The following LRP6 variants were observed in gnomAD, a reference collection of about 807,000 sequenced individuals.
LRP6 encodes LDL receptor related protein 6.
LRP6 carries 43 observed loss-of-function variants against 184.1 expected under a neutral mutation model. The observed-to-expected ratio is 0.23, with a 90% confidence interval of 0.18 to 0.30. LRP6 has a LOEUF of 0.30. Among genes scored for constraint, LRP6 ranks in the 10% least tolerant of loss-of-function variants. The probability of loss-of-function intolerance (pLI) is 1.00; values close to 1 mark genes in which losing one functional copy is unlikely to be tolerated. For missense variants in LRP6, 1,571 were observed against 2,005.3 expected (o/e 0.78, Z 4.14); for synonymous variants, 719 against 684.9 (o/e 1.05, Z -0.78).
chr12:12,164,332 A>C lies in LRP6; in HGVS notation c.1993T>G (p.Ser665Ala), dbSNP rs1220683606. The C allele has an allele frequency of 6.2e-7, 1 of 1,613,966 alleles. No homozygotes were observed. The highest frequency in any genetic ancestry group is 8.5e-7 in the Non-Finnish European group (1 of 1,179,984). ...AIPLTGVKEA[S>A]ALDFDVTDNR... ...TCTGTCACATCAAAATCCAAAGCAG[A>C]AGCTTCTTTGACACCAGTGAGTGGA... Residue 665 changes from serine (S) to alanine (A), a missense_variant, in exon 9 of 23, where the codon TCT (serine) becomes GCT (alanine). By Grantham distance (99) the Ser-to-Ala change is moderately conservative. This residue lies in a region of LRP6 where 640 missense variants were observed against 851.9 expected (regional missense o/e 0.75). Coordinates refer to ENST00000261349, the MANE Select transcript of LRP6 (RefSeq NM_002336.3).
chr12:12,122,403 C>A (rs1247851191), intron 22 of LRP6, among the ~76,000 whole-genome samples: 1 of 152,036 alleles, frequency 6.6e-6, no homozygotes, highest in Non-Finnish European at 1.5e-5. Flanking sequence ...AGGGGAAAAC[C>A]AAGTTAAAAA....
chr12:12,152,819 G>C (rs141442666), intron 12 of LRP6, among the ~76,000 whole-genome samples: 107 of 152,174 alleles, frequency 7.0e-4, no homozygotes, highest in African/African-American at 2.5e-3. Context: ...ATTATTTGTG[G>C]TCTCTCAGCT....
intron 7 of LRP6, among the ~76,000 whole-genome samples, chr12:12,172,383 T>C (rs1029457519): frequency 1.3e-5 from 2 of 152,226 alleles, no homozygotes; most frequent in Admixed American, 6.5e-5. Context: ...TTTGAGTCAT[T>C]TCATCAGCTC....
At chr12:12,227,320 AAAT>A (rs1352250644) in intron 2 of LRP6, among the ~76,000 whole-genome samples, 2 of 152,146 alleles carry the variant, frequency 1.3e-5, no homozygotes, top group East Asian at 3.8e-4. Flanking sequence ...GAAGGAAGAA[AAAT>A]AATATAGGTC....
Position 12,179,796 on chromosome 12 carries a change from A to C in LRP6, c.1545+14T>G. 1 of 1,613,474 alleles carries C rather than the reference A, an allele frequency of 6.2e-7. No individual in the cohort carries two copies. The highest frequency in any genetic ancestry group is 8.5e-7 in the Non-Finnish European group (1 of 1,179,674). The stretch of plus-strand genomic sequence containing the variant: ...TATAAAAGTGGCTTGAAAATGAAAA[A>C]GCAAAAAACAAACCTCAATCTTGTC... On this transcript the variant is annotated intron_variant, in intron 7 of 22. Transcript: ENST00000261349.
At chr12:12,251,616 C>T (rs1199865269) in intron 1 of LRP6, among the ~76,000 whole-genome samples, 2 of 152,050 alleles carry the variant, frequency 1.3e-5, no homozygotes, top group East Asian at 1.9e-4. Flanking sequence ...GATCCACCCA[C>T]CTCGACCTCC....
chr12:12,249,947 G>A (rs1203276950), intron 1 of LRP6, among the ~76,000 whole-genome samples: 1 of 152,088 alleles, frequency 6.6e-6, no homozygotes, highest in African/African-American at 2.4e-5. Context: ...CCATCTTTGA[G>A]CCCCTCCCCT....
At position 12,159,077 on chromosome 12, in the gene LRP6, G is replaced by A. The variant is rs2136937944; in HGVS notation, c.2543C>T (p.Thr848Met). The A allele has an allele frequency of 1.9e-6, 3 of 1,614,106 alleles. No homozygotes were observed. Among genetic ancestry groups the A allele is most frequent in the South Asian group, 1.1e-5 (1 of 91,072 alleles). Reference sequence around the variant, plus strand: ...CTCAATGCTGCGTCGGCTCCAGTCCGTCCAGTAGATATAATCTTGGTACTG... The same window carrying A: ...CTCAATGCTGCGTCGGCTCCAGTCCATCCAGTAGATATAATCTTGGTACTG... The part of the protein sequence containing the change: ...LTQYQDYIYW[T>M]DWSRRSIERA... Residue 848 changes from threonine to methionine, a missense_variant, in exon 12 of 23, where the codon ACG becomes ATG. Thr to Met is a moderately conservative substitution (Grantham distance 81). Around this residue, in one of 4 missense-constraint regions of LRP6, gnomAD observed 158 missense variants for 258.4 expected, o/e 0.61. Transcript: ENST00000261349.
At chr12:12,186,676 T>TTTTTTA in intron 4 of LRP6, 1 of 407,520 alleles carries the variant, frequency 2.5e-6, no homozygotes, top group Non-Finnish European at 4.5e-6. Context: ...TTTTTTTTTT[T>TTTTTTA]GAGACACAGT....
At chr12:12,138,274 T>A in intron 16 of LRP6, 51 bp downstream of exon 16, 1 of 1,457,018 alleles carries the variant, frequency 6.9e-7, no homozygotes. Flanking sequence ...TACATATTAA[T>A]TTATTATAAC....
intron 1 of LRP6, among the ~76,000 whole-genome samples, chr12:12,264,178 A>T (rs1865699193): frequency 6.6e-6 from 1 of 152,184 alleles, no homozygotes; most frequent in Admixed American, 6.5e-5. Flanking sequence ...ATACAAATTA[A>T]ATCTCAAATC....
intron 2 of LRP6, among the ~76,000 whole-genome samples, chr12:12,221,094 G>A (rs977112787): frequency 5.3e-5 from 8 of 152,240 alleles, no homozygotes; most frequent in Middle Eastern, 6.8e-3. Context: ...GTCAATATTC[G>A]TGAGACTGGT....
intron 1 of LRP6, among the ~76,000 whole-genome samples, chr12:12,263,042 TC>T (rs1865659325): frequency 7.3e-6 from 1 of 137,560 alleles, no homozygotes; most frequent in South Asian, 2.3e-4. Flanking sequence ...TCACCTGAGG[TC>T]GGGAGTTCGA....
intron 9 of LRP6, among the ~76,000 whole-genome samples, chr12:12,163,165 G>A (rs555782340): frequency 8.6e-5 from 13 of 151,774 alleles, no homozygotes; most frequent in Admixed American, 2.0e-4. Context: ...TAGTAGAGAC[G>A]GGGTTTTGTC....
At position 12,157,864 on chromosome 12, in the gene LRP6, T is replaced by C. The variant is rs530267554; in HGVS notation, c.2791+965A>G. Among the ~76,000 whole-genome samples the C allele has an allele frequency of 3.3e-5, 5 of 152,322 alleles. No individual in the cohort carries two copies. The East Asian group carries it at 9.6e-4, about 29-fold the overall frequency. ...CCACCAAGAAATGGGCCTTCATATA[T>C]ATTTAAGTTATAAGCCAGGTTTCCC... On this transcript the variant is annotated intron_variant, in intron 12 of 22. Coordinates refer to ENST00000261349, the MANE Select transcript of LRP6 (RefSeq NM_002336.3).
At chr12:12,157,593 C>T (rs1231024644) in intron 12 of LRP6, among the ~76,000 whole-genome samples, 2 of 152,156 alleles carry the variant, frequency 1.3e-5, no homozygotes, top group East Asian at 3.9e-4. Flanking sequence ...CCACTACATG[C>T]TTGTGTCCTT....
intron 3 of LRP6, among the ~76,000 whole-genome samples, chr12:12,188,041 C>T (rs1863520151): frequency 6.6e-6 from 1 of 151,786 alleles, no homozygotes; most frequent in African/African-American, 2.4e-5. Context: ...AAAACCCCAT[C>T]TCTACTAAAA....
At chr12:12,198,637 G>A (rs575506089) in intron 3 of LRP6, among the ~76,000 whole-genome samples, 3 of 147,594 alleles carry the variant, frequency 2.0e-5, no homozygotes, top group East Asian at 2.0e-4. Flanking sequence ...GGATTCAAGC[G>A]ATTCTACTGC....
rs1311479671 is a variant in LRP6 at position 12,117,061 on chromosome 12, A to G, written c.*4065T>C. The stretch of plus-strand genomic sequence containing the variant: ...AAAGCTAAATTTTGAAACTATTATA[A>G]AATGGTGCCATCCCAAAAGTCAGAA... On this transcript the variant is annotated 3_prime_UTR_variant, in exon 23 of 23. Coordinates refer to ENST00000261349, the MANE Select transcript of LRP6 (RefSeq NM_002336.3). The G allele has an allele frequency of 3.3e-5, 5 of 152,238 alleles. No individual in the cohort carries two copies. Among genetic ancestry groups the G allele is most frequent in the Admixed American group, 3.3e-4 (5 of 15,284 alleles). The allele number at this position is 152,238 out of a possible 1,614,324, so 9.4% of individuals were successfully genotyped here.
Sources: gnomAD v4.1 joint callset for allele counts (sites outside exome capture counted in the v4.1 genomes callset) on GRCh38, gnomAD v4.1.1 for gene constraint, gnomAD v4.1.1 regional missense constraint, MANE v1.5 for transcripts, NCBI Gene and HGNC (gene_info 2026-07-23, HGNC 2026-07-21) for gene names.